KCNMB3: variants seen among roughly 807,000 people sequenced by gnomAD.
The protein encoded by KCNMB3 is calcium-activated potassium channel subunit beta-3.
KCNMB3 carries 18 observed loss-of-function variants against 11.9 expected under a neutral mutation model. The observed-to-expected ratio is 1.51, with a 90% CI of 1.04 to 2.23. The LOEUF is 2.23. KCNMB3 is among the 30% of genes most tolerant of loss of function. The pLI, the probability that KCNMB3 is intolerant of heterozygous loss-of-function variation, is 0.00. For missense variants in KCNMB3, 247 were observed against 329.4 expected (o/e 0.75, Z 1.94); for synonymous variants, 78 against 119.2 (o/e 0.65, Z 2.25).
upstream of KCNMB3, chr3:179,251,607 C>T (rs990744256): frequency 8.7e-6 from 11 of 1,270,946 alleles, no homozygotes; most frequent in African/African-American, 1.4e-4. Flanking sequence ...GATACATTCT[C>T]GCAGGGCAGG....
rs1286905420 is a variant in KCNMB3, at chr3:179,259,934, A to G, written c.62+6715T>C. The G allele has an allele frequency of 1.9e-6, 3 of 1,611,402 alleles. No homozygotes were observed. The African/African-American group carries it at 4.0e-5, about 22-fold the overall frequency. ...TCTCATCCCTTAATCCTTTTTCTTC[A>G]CCCTCTTCTTCGTTGTGATCCCTAC... is the stretch of plus-strand genomic sequence containing the variant. On this transcript the variant is annotated intron_variant, in intron 1 of 3. Coordinates refer to the KCNMB3 transcript ENST00000349697.
At chr3:179,255,036 G>A (rs961110169), upstream of KCNMB3, among the ~76,000 whole-genome samples, 2 of 151,910 alleles carry the variant, frequency 1.3e-5, no homozygotes, top group African/African-American at 4.8e-5. Context: ...GTAGTGGCAG[G>A]CACCTGTAAT....
At chr3:179,263,800 C>CTTTTTTTTTTTTTTTTTT (rs60270913) in intron 1 of KCNMB3, among the ~76,000 whole-genome samples, 6 of 59,980 alleles carry the variant, frequency 1.0e-4, no homozygotes, top group African/African-American at 2.8e-4. Flanking sequence ...TTTTTCTTTT[C>CTTTTTTTTTTTTTTTTTT]TTTTTTTTTT....
chr3:179,252,130 G>A (rs951230272), upstream of KCNMB3, among the ~76,000 whole-genome samples: 16 of 152,026 alleles, frequency 1.1e-4, no homozygotes, highest in Non-Finnish European at 1.9e-4. Context: ...CAAGATGCAC[G>A]TCCCTGCAGA....
Position 179,259,715 on chromosome 3 carries a change from CTTCTTT to C in KCNMB3, c.62+6928_62+6933del, listed in dbSNP as rs779309465. On this transcript the variant is annotated intron_variant, in intron 1 of 3. Coordinates refer to the KCNMB3 transcript ENST00000349697. ...CTATGGGTACTGGGGATTTTTTCCT[CTTCTTT>C]TTCTTTTTCTTGTTCTTTCTCTTCT... is the stretch of plus-strand genomic sequence containing the variant. The C allele has an allele frequency of 1.2e-3, 1,832 of 1,591,508 alleles. 3 individuals carry two copies. The highest frequency in any genetic ancestry group is 1.4e-3 in the Non-Finnish European group (1,634 of 1,174,174).
Position 179,242,789 on chromosome 3 carries a change from TATG to T in KCNMB3, c.*112_*114del. ...TTTTAAATTTTTTCCCACATGAAAA[TATG>T]ATACTTTAATTATTACCTTTTACAT... On this transcript the variant is annotated 3_prime_UTR_variant, in exon 3 of 3. Transcript: ENST00000392685. 1 of 1,419,158 alleles carries T rather than the reference TATG, an allele frequency of 7.0e-7. No homozygotes were observed. Among genetic ancestry groups the T allele is most frequent in the Non-Finnish European group, 9.3e-7 (1 of 1,077,224 alleles). The allele number at this position is 1,419,158 out of a possible 1,614,324, so 87.9% of individuals were successfully genotyped here.
intron 1 of KCNMB3, chr3:179,259,750 A>T (rs756901641): frequency 1.3e-6 from 2 of 1,599,106 alleles, no homozygotes; most frequent in East Asian, 2.2e-5. Flanking sequence ...CTCTTCTGCA[A>T]TGAGTCCAAT....
chr3:179,256,068 G>A (rs1726001410), upstream of KCNMB3, among the ~76,000 whole-genome samples: 2 of 152,116 alleles, frequency 1.3e-5, no homozygotes, highest in African/African-American at 2.4e-5. Flanking sequence ...AAGGCAGAAC[G>A]AAAAAAATCC....
At chr3:179,245,251 G>C (rs1725595300) in intron 1 of KCNMB3, among the ~76,000 whole-genome samples, 1 of 152,030 alleles carries the variant, frequency 6.6e-6, no homozygotes, top group African/African-American at 2.4e-5. Flanking sequence ...TTTGGAAGGA[G>C]TCTAACTACA....
intron 1 of KCNMB3, chr3:179,259,116 G>A: frequency 1.9e-6 from 3 of 1,585,818 alleles, no homozygotes; most frequent in Non-Finnish European, 2.6e-6. Flanking sequence ...CTCTCCTCCT[G>A]GTGCCAACAA....
exon 1 of KCNMB3, chr3:179,266,820 C>T (rs1726383365): frequency 3.4e-6 from 5 of 1,478,628 alleles, no homozygotes; most frequent in Non-Finnish European, 4.5e-6. Context: ...GCGGGAGCCC[C>T]CAGCCCCCAG....
chr3:179,254,671 G>A (rs1414686150), upstream of KCNMB3, among the ~76,000 whole-genome samples: 1 of 152,102 alleles, frequency 6.6e-6, no homozygotes, highest in Non-Finnish European at 1.5e-5. Flanking sequence ...AATTAGCTGG[G>A]CGTGGTGGCA....
At chr3:179,259,887 G>T (rs905165277) in intron 1 of KCNMB3, 3 of 1,613,442 alleles carry the variant, frequency 1.9e-6, no homozygotes, top group African/African-American at 2.7e-5. Flanking sequence ...TGGAGAACCA[G>T]GAACTTCTGT....
chr3:179,250,710 G>C, intron 1 of KCNMB3, 33 bp downstream of exon 1: 1 of 1,608,342 alleles, frequency 6.2e-7, no homozygotes. Flanking sequence ...TATCTGAATT[G>C]GAAACTCTAG....
intron 1 of KCNMB3, chr3:179,258,930 T>G: frequency 6.2e-7 from 1 of 1,613,370 alleles, no homozygotes. Flanking sequence ...CTCTATGAAT[T>G]TAGAACATTC....
At chr3:179,266,515 TG>T in intron 1 of KCNMB3, 1 of 982,214 alleles carries the variant, frequency 1.0e-6, no homozygotes, top group Non-Finnish European at 1.5e-6. Context: ...CTGGGTACCC[TG>T]GGAGGCATGG....
chr3:179,260,066 C>T (rs1467959610), intron 1 of KCNMB3: 20 of 1,609,984 alleles, frequency 1.2e-5, no homozygotes, highest in Non-Finnish European at 1.7e-5. Context: ...GTTGGGGGAC[C>T]TCTACCATAC....
rs780207105 is a variant in KCNMB3 at position 179,250,849 on chromosome 3, T to C, written c.142A>G (p.Ser48Gly). 1 of 1,614,188 alleles carries C rather than the reference T, an allele frequency of 6.2e-7. No homozygotes were observed. Among genetic ancestry groups the C allele is most frequent in the Non-Finnish European group, 8.5e-7 (1 of 1,180,026 alleles). The change falls in exon 1 of 3, where the codon AGT becomes GGT. Residue 48 changes from serine to glycine, a missense_variant. Transcript: ENST00000392685. ...PLDVHKRLPS[S>G]AGEDRAVMLG... ...ATCACGGCTCGGTCCTCTCCAGCAC[T>C]GGATGGCAGCCTCTTGTGCACATCT... is the stretch of plus-strand genomic sequence containing the variant.
At chr3:179,266,598 G>T in intron 1 of KCNMB3, 1 of 1,605,810 alleles carries the variant, frequency 6.2e-7, no homozygotes, top group South Asian at 1.1e-5. Context: ...TCTTGCAACT[G>T]CTTGTTCAGC....
Sources: gnomAD v4.1 joint callset for allele counts (sites outside exome capture counted in the v4.1 genomes callset) on GRCh38, gnomAD v4.1.1 for gene constraint, MANE v1.5 for transcripts, NCBI Gene and HGNC (gene_info 2026-07-23, HGNC 2026-07-21) for gene names.